GNG12: variants seen among roughly 807,000 people sequenced by gnomAD.
GNG12 encodes G protein subunit gamma 12, also known as guanine nucleotide-binding protein G(I)/G(S)/G(O) subunit gamma-12.
For synonymous variants in GNG12, 28 were observed against 29.7 expected, an observed-to-expected ratio of 0.94 and a Z score of 0.19; for missense variants, 69 against 83.8, an observed-to-expected ratio of 0.82 and a Z score of 0.69.
At chr1:67,757,292 T>C (rs1057250133) in intron 2 of GNG12, among the ~76,000 whole-genome samples, 1 of 152,240 alleles carries the variant, frequency 6.6e-6, no homozygotes, top group South Asian at 2.1e-4. Context: ...TCTGGTGTCA[T>C]GTCAGTGCTC....
chr1:67,756,099 G>A (rs1231814452), intron 2 of GNG12, among the ~76,000 whole-genome samples: 1 of 152,150 alleles, frequency 6.6e-6, no homozygotes, highest in Admixed American at 6.5e-5. Flanking sequence ...TTAGAGTGTG[G>A]GAGTGGGAGG....
chr1:67,789,646 A>G (rs1646789696), intron 1 of GNG12, among the ~76,000 whole-genome samples: 1 of 152,178 alleles, frequency 6.6e-6, no homozygotes, highest in Admixed American at 6.5e-5. Context: ...CAGCAGACAT[A>G]TTCAGGTTAT....
chr1:67,758,097 G>A (rs1035388248), intron 2 of GNG12, among the ~76,000 whole-genome samples: 23 of 152,032 alleles, frequency 1.5e-4, no homozygotes, highest in African/African-American at 4.1e-4. Flanking sequence ...TCAGCCTCCC[G>A]AGGAGCTGGG....
At chr1:67,721,665 A>C (rs1364719618) in intron 2 of GNG12, among the ~76,000 whole-genome samples, 1 of 152,184 alleles carries the variant, frequency 6.6e-6, no homozygotes, top group Non-Finnish European at 1.5e-5. Flanking sequence ...ACACAGACAG[A>C]CCCTACATCT....
chr1:67,773,190 T>C (rs1288668835), intron 2 of GNG12, among the ~76,000 whole-genome samples: 2 of 152,222 alleles, frequency 1.3e-5, no homozygotes, highest in East Asian at 3.8e-4. Context: ...TCTTGTGGAA[T>C]TCTGGGCTCC....
At chr1:67,746,537 G>T (rs538804615) in intron 2 of GNG12, among the ~76,000 whole-genome samples, 2 of 152,166 alleles carry the variant, frequency 1.3e-5, no homozygotes, top group African/African-American at 2.4e-5. Flanking sequence ...ATGGGGGCGG[G>T]GGAGGTGGTC....
chr1:67,811,860 T>TAG (rs200524882), intron 1 of GNG12, among the ~76,000 whole-genome samples: 2,626 of 152,282 alleles, frequency 0.017, 74 homozygotes, highest in African/African-American at 0.061. Flanking sequence ...ACTATTGATG[T>TAG]AGAGGCTATA....
chr1:67,750,223 C>T (rs1202973807), intron 2 of GNG12, among the ~76,000 whole-genome samples: 2 of 152,196 alleles, frequency 1.3e-5, no homozygotes, highest in African/African-American at 4.8e-5. Flanking sequence ...CTGCTTCATG[C>T]TTGTGTGAGG....
chr1:67,716,742 T>C (rs1279667281), intron 2 of GNG12, among the ~76,000 whole-genome samples: 1 of 152,208 alleles, frequency 6.6e-6, no homozygotes, highest in Non-Finnish European at 1.5e-5. Context: ...ATTCAGGGGT[T>C]GCTGTTATTC....
intron 1 of GNG12, among the ~76,000 whole-genome samples, chr1:67,783,994 C>T (rs1646752670): frequency 2.0e-5 from 3 of 151,222 alleles, no homozygotes; most frequent in African/African-American, 7.3e-5. Flanking sequence ...ATAAATCATG[C>T]TGCTATAAAG....
At chr1:67,743,443 G>T (rs1266132579) in intron 2 of GNG12, among the ~76,000 whole-genome samples, 1 of 152,208 alleles carries the variant, frequency 6.6e-6, no homozygotes, top group Non-Finnish European at 1.5e-5. Flanking sequence ...TACAGCAAAT[G>T]ACAGAGAATT....
At chr1:67,731,132 C>G (rs1646416659) in intron 2 of GNG12, among the ~76,000 whole-genome samples, 1 of 152,114 alleles carries the variant, frequency 6.6e-6, no homozygotes, top group Admixed American at 6.6e-5. Context: ...AGAAAGCCCT[C>G]CCCTCTCTGA....
At chr1:67,734,304 CTTT>C (rs1646439113) in intron 2 of GNG12, among the ~76,000 whole-genome samples, 1 of 152,172 alleles carries the variant, frequency 6.6e-6, no homozygotes, top group Non-Finnish European at 1.5e-5. Flanking sequence ...CATGCTTCTT[CTTT>C]GATAGGTTTT....
intron 1 of GNG12, among the ~76,000 whole-genome samples, chr1:67,783,144 T>C (rs1481919429): frequency 6.6e-6 from 1 of 152,216 alleles, no homozygotes; most frequent in African/African-American, 2.4e-5. Context: ...TTATGGCTAC[T>C]ATTTCTTTCT....
chr1:67,717,177 C>T (rs1043240098), intron 2 of GNG12, among the ~76,000 whole-genome samples: 2 of 152,100 alleles, frequency 1.3e-5, no homozygotes, highest in East Asian at 3.8e-4. Flanking sequence ...TCTTGATCCT[C>T]CCCATGTTTA....
chr1:67,752,902 T>C (rs896194998), intron 2 of GNG12, among the ~76,000 whole-genome samples: 5 of 152,218 alleles, frequency 3.3e-5, no homozygotes, highest in Non-Finnish European at 7.3e-5. Context: ...TACAAAAATC[T>C]CAAGGCAGGG....
At chr1:67,731,439 G>A (rs1189148859) in intron 2 of GNG12, among the ~76,000 whole-genome samples, 1 of 152,262 alleles carries the variant, frequency 6.6e-6, no homozygotes, top group Non-Finnish European at 1.5e-5. Flanking sequence ...GTTCAGAGGA[G>A]AGTGATTCCT....
intron 2 of GNG12, among the ~76,000 whole-genome samples, chr1:67,766,255 G>A (rs1267210468): frequency 6.6e-6 from 1 of 152,102 alleles, no homozygotes; most frequent in Non-Finnish European, 1.5e-5. Context: ...GCCCTTGAGG[G>A]CTCATTTTAA....
intron 2 of GNG12, among the ~76,000 whole-genome samples, chr1:67,761,154 T>A (rs1385109266): frequency 6.6e-6 from 1 of 152,230 alleles, no homozygotes; most frequent in Non-Finnish European, 1.5e-5. Flanking sequence ...TGGTCGGTTT[T>A]CCTGACCAAG....
Sources: gnomAD v4.1 joint callset for allele counts (sites outside exome capture counted in the v4.1 genomes callset) on GRCh38, gnomAD v4.1.1 for gene constraint, MANE v1.5 for transcripts, NCBI Gene and HGNC (gene_info 2026-07-23, HGNC 2026-07-21) for gene names.